PSMD14: variants seen among roughly 807,000 people sequenced by gnomAD.
PSMD14 encodes proteasome 26S subunit, non-ATPase 14.
A neutral mutation model predicts 41.2 loss-of-function variants in PSMD14; 7 were observed. The observed-to-expected ratio is 0.17, with a 90% CI of 0.10 to 0.32. The LOEUF (loss-of-function observed/expected upper bound fraction) is 0.32, where lower values mean the gene tolerates loss of function less well. Among genes scored for constraint, PSMD14 ranks in the 10% least tolerant of loss-of-function variants. The probability of loss-of-function intolerance (pLI) is 1.00; values close to 1 mark genes in which losing one functional copy is unlikely to be tolerated. For missense variants in PSMD14, 139 were observed against 375.6 expected, an observed-to-expected ratio of 0.37 and a Z score of 5.21; for synonymous variants, 114 against 122.3, an observed-to-expected ratio of 0.93 and a Z score of 0.45.
At chr2:161,345,070 C>T (rs1683020814) in intron 3 of PSMD14, among the ~76,000 whole-genome samples, 1 of 151,920 alleles carries the variant, frequency 6.6e-6, no homozygotes, top group Non-Finnish European at 1.5e-5. Context: ...GGTGGGAGTC[C>T]AAATTTATGC....
intron 10 of PSMD14, among the ~76,000 whole-genome samples, chr2:161,398,456 T>A (rs570577947): frequency 1.2e-4 from 18 of 152,068 alleles, no homozygotes; most frequent in African/African-American, 4.1e-4. Context: ...GACATTTGAT[T>A]TTTTTCTAAT....
In PSMD14 at chr2:161,389,889, G is replaced by GTTGT; in HGVS notation, c.571-1213_571-1212insGTTT. 3.2e-3 allele frequency among the ~76,000 whole-genome samples: 65 copies of GTTGT among 20,050 alleles called. 20 individuals carry two copies. Among genetic ancestry groups the GTTGT allele is most frequent in the Middle Eastern group, 0.059 (2 of 34 alleles). The allele number at this position is 20,050 out of a possible 152,430, so 13.2% of individuals were successfully genotyped here. On this transcript the variant is annotated intron_variant, in intron 8 of 11. Transcript: ENST00000409682. ...TGTCTTATTTTCTTTCTTTTTTGTTGTTTTTTTTTTTTTTTTTTTTTTTAG... is the reference window on the plus strand; with the variant it reads ...TGTCTTATTTTCTTTCTTTTTTGTTGTTGTTTTTTTTTTTTTTTTTTTTTTTTAG...
chr2:161,368,049 A>G (rs1374802326), intron 5 of PSMD14, 146 bp downstream of exon 5: 2 of 989,514 alleles, frequency 2.0e-6, no homozygotes, highest in Admixed American at 3.3e-5. Flanking sequence ...TTTAGATTGT[A>G]TTGAATTAAA....
At chr2:161,318,046 C>G (rs1018689931) in intron 2 of PSMD14, among the ~76,000 whole-genome samples, 4 of 152,104 alleles carry the variant, frequency 2.6e-5, no homozygotes, top group African/African-American at 9.7e-5. Flanking sequence ...AGAGTATCTT[C>G]TGTAGTTACT....
chr2:161,320,119 G>C (rs1255954295), intron 3 of PSMD14, among the ~76,000 whole-genome samples: 2 of 152,166 alleles, frequency 1.3e-5, no homozygotes, highest in Non-Finnish European at 2.9e-5. Flanking sequence ...TCTGAAATTA[G>C]TAGTAATAGT....
chr2:161,310,020 G>C (rs1197825240), intron 1 of PSMD14, among the ~76,000 whole-genome samples: 1 of 152,116 alleles, frequency 6.6e-6, no homozygotes, highest in Non-Finnish European at 1.5e-5. Context: ...AATCAGCCGG[G>C]CATGGTGGCA....
chr2:161,337,470 T>G (rs944859734), intron 3 of PSMD14, among the ~76,000 whole-genome samples: 66 of 152,296 alleles, frequency 4.3e-4, no homozygotes, highest in African/African-American at 1.4e-3. Context: ...CAAGGGAAAA[T>G]GGGTCATAGC....
At chr2:161,370,965 A>T (rs1311144305) in intron 6 of PSMD14, among the ~76,000 whole-genome samples, 1 of 152,146 alleles carries the variant, frequency 6.6e-6, no homozygotes, top group Non-Finnish European at 1.5e-5. Flanking sequence ...GCATCTCTTA[A>T]TGATAGCACT....
intron 10 of PSMD14, among the ~76,000 whole-genome samples, chr2:161,402,245 G>C (rs982518039): frequency 8.5e-5 from 13 of 152,086 alleles, no homozygotes; most frequent in African/African-American, 3.1e-4. Flanking sequence ...ATGCATATTG[G>C]TCATGCATCA....
intron 7 of PSMD14, chr2:161,383,958 T>G (rs1265720257): frequency 1.3e-5 from 2 of 151,662 alleles, no homozygotes; most frequent in African/African-American, 4.8e-5. Flanking sequence ...TGATAGTACT[T>G]GTTTTTATTG....
chr2:161,406,920 T>C lies in PSMD14; in HGVS notation c.772-1917T>C, dbSNP rs1246665635. Among the ~76,000 whole-genome samples the C allele has an allele frequency of 2.0e-5, 3 of 152,200 alleles. No individual in the cohort carries two copies. In the East Asian group the frequency reaches 5.8e-4, roughly 29 times the overall value. ...AAATAAGATCAGTACTTCAAGTCCT[T>C]TTTGACCTTCATCTTTCATTGTCTA... On this transcript the variant is annotated intron_variant, in intron 10 of 11. Transcript: ENST00000409682.
At chr2:161,361,930 A>G (rs910752799) in intron 3 of PSMD14, among the ~76,000 whole-genome samples, 2 of 152,176 alleles carry the variant, frequency 1.3e-5, no homozygotes, top group Non-Finnish European at 2.9e-5. Context: ...TTTCATAACT[A>G]ATATATTTGA....
chr2:161,348,095 C>A (rs1174158110), intron 3 of PSMD14, among the ~76,000 whole-genome samples: 2 of 152,116 alleles, frequency 1.3e-5, no homozygotes, highest in Non-Finnish European at 2.9e-5. Context: ...GAGTATACAA[C>A]CCTCTTGGAA....
intron 2 of PSMD14, among the ~76,000 whole-genome samples, chr2:161,317,993 C>G (rs1419873001): frequency 6.6e-6 from 1 of 152,070 alleles, no homozygotes; most frequent in Non-Finnish European, 1.5e-5. Flanking sequence ...TATAAGTACA[C>G]TTGATATTTC....
Position 161,341,085 on chromosome 2 carries a change from C to A in PSMD14, c.48+22212C>A. 9 of 1,526,104 alleles carry A rather than the reference C, an allele frequency of 5.9e-6. No homozygotes were observed. The South Asian group carries it at 1.1e-4, about 18-fold the overall frequency. The allele number at this position is 1,526,104 out of a possible 1,614,324, so 94.5% of individuals were successfully genotyped here. A position where few individuals can be genotyped will look rare whatever the true frequency, so the allele number is the denominator to read the frequency against. On this transcript the variant is annotated intron_variant, in intron 3 of 11. Transcript: ENST00000409682. ...CGGTCCCGCAGGCTCCCCGAGCTCC[C>A]CCAGCCCCGCGGGCTCTCCAGGCTC...
chr2:161,400,965 AT>A (rs1683870397), intron 10 of PSMD14, among the ~76,000 whole-genome samples: 1 of 152,212 alleles, frequency 6.6e-6, no homozygotes, highest in South Asian at 2.1e-4. Context: ...TAAAATAAAA[AT>A]TTGTCAAAAT....
chr2:161,353,260 G>A (rs1683145761), intron 3 of PSMD14, among the ~76,000 whole-genome samples: 1 of 151,884 alleles, frequency 6.6e-6, no homozygotes, highest in South Asian at 2.1e-4. Context: ...ATTTATTTTA[G>A]GCATGTCAGG....
chr2:161,411,598 T>G lies in PSMD14; in HGVS notation c.*198T>G. 5.7e-6 allele frequency: 2 copies of G among 351,066 alleles called. No individual in the cohort carries two copies. Among genetic ancestry groups the G allele is most frequent in the Admixed American group, 9.4e-5 (2 of 21,380 alleles). 21.7% of individuals were successfully genotyped at this position (351,066 alleles called of 1,614,324 possible). On this transcript the variant is annotated 3_prime_UTR_variant, in exon 12 of 12. Coordinates refer to ENST00000409682, the MANE Select transcript of PSMD14 (RefSeq NM_005805.6). Reference sequence around the variant, plus strand: ...GTCAGGGTCTTTGCAGATTCTAAAGTTATACATGAATACATCAAAGTGGAC... The same window carrying G: ...GTCAGGGTCTTTGCAGATTCTAAAGGTATACATGAATACATCAAAGTGGAC...
chr2:161,359,125 T>G (rs1380882210), intron 3 of PSMD14, among the ~76,000 whole-genome samples: 1 of 152,020 alleles, frequency 6.6e-6, no homozygotes, highest in East Asian at 1.9e-4. Context: ...CACACCACCA[T>G]GCCTGGCAAA....
Sources: allele counts gnomAD v4.1 joint callset (sites outside exome capture counted in the v4.1 genomes callset), GRCh38; gene constraint gnomAD v4.1.1; transcripts MANE v1.5; gene names NCBI Gene and HGNC (gene_info 2026-07-23, HGNC 2026-07-21).